ANKS1B: variants seen among roughly 807,000 people sequenced by gnomAD.
ANKS1B encodes ankyrin repeat and sterile alpha motif domain-containing protein 1B.
Under a neutral mutation model 148.3 loss-of-function variants are expected in ANKS1B, and 36 were observed. That is an observed-to-expected ratio of 0.24 (90% CI 0.19 to 0.32). The LOEUF (loss-of-function observed/expected upper bound fraction) is 0.32, where lower values mean the gene tolerates loss of function less well. ANKS1B is among the 10% of genes least tolerant of loss of function. ANKS1B has a pLI of 1.00. For synonymous variants in ANKS1B, 542 were observed against 560.8 expected (o/e 0.97, Z 0.47); for missense variants, 1,157 against 1,542.6 (o/e 0.75, Z 4.19).
chr12:99,959,100 G>GGCACTCATGCCAT (rs772387243), intron 1 of ANKS1B, among the ~76,000 whole-genome samples: 138 of 146,458 alleles, frequency 9.4e-4, no homozygotes, highest in Non-Finnish European at 1.7e-3. Context: ...CTGTTGCCCA[G>GGCACTCATGCCAT]GCTAGAGTGC....
chr12:99,736,479 AG>A (rs1370125540), intron 8 of ANKS1B, among the ~76,000 whole-genome samples: 1 of 151,570 alleles, frequency 6.6e-6, no homozygotes, highest in Non-Finnish European at 1.5e-5. Flanking sequence ...AAAGAAACCA[AG>A]AAGGCAATCT....
At chr12:99,146,969 T>G (rs1477353880) in intron 15 of ANKS1B, among the ~76,000 whole-genome samples, 1 of 152,146 alleles carries the variant, frequency 6.6e-6, no homozygotes, top group Non-Finnish European at 1.5e-5. Context: ...CATTTATCTA[T>G]GTACTGGCTA....
intron 26 of ANKS1B, among the ~76,000 whole-genome samples, chr12:98,749,886 T>C (rs1005473039): frequency 1.3e-5 from 2 of 151,672 alleles, no homozygotes; most frequent in Admixed American, 6.6e-5. Context: ...GATTGAGATA[T>C]ATTTTAGGGG....
At chr12:98,976,854 T>C (rs979679662) in intron 17 of ANKS1B, among the ~76,000 whole-genome samples, 2 of 152,246 alleles carry the variant, frequency 1.3e-5, no homozygotes, top group Non-Finnish European at 2.9e-5. Flanking sequence ...CATTTGTAGT[T>C]TGATATTTAA....
At chr12:98,941,358 A>G (rs1459138073) in intron 17 of ANKS1B, among the ~76,000 whole-genome samples, 1 of 152,190 alleles carries the variant, frequency 6.6e-6, no homozygotes, top group Non-Finnish European at 1.5e-5. Flanking sequence ...ACCACTAACA[A>G]AAAGCATATA....
intron 14 of ANKS1B, among the ~76,000 whole-genome samples, chr12:99,213,469 A>G (rs1271470268): frequency 3.9e-5 from 6 of 152,224 alleles, no homozygotes; most frequent in African/African-American, 1.4e-4. Context: ...CCTTACTGTC[A>G]GACTTGCTAA....
At chr12:99,463,218 G>A (rs748370986) in intron 10 of ANKS1B, among the ~76,000 whole-genome samples, 68 of 152,324 alleles carry the variant, frequency 4.5e-4, no homozygotes, top group Non-Finnish European at 7.9e-4. Context: ...CCTTTGTATA[G>A]GAATGCATGG....
intron 8 of ANKS1B, among the ~76,000 whole-genome samples, chr12:99,699,396 C>G (rs966304520): frequency 6.6e-6 from 1 of 152,152 alleles, no homozygotes; most frequent in East Asian, 1.9e-4. Flanking sequence ...CTCTTCAGTG[C>G]TGACTTTCTT....
Position 98,842,517 on chromosome 12 carries a change from T to C in ANKS1B, c.2779-10381A>G, listed in dbSNP as rs142229176. On this transcript the variant is annotated intron_variant, in intron 17 of 26. Coordinates refer to ENST00000683438, the MANE Select transcript of ANKS1B (RefSeq NM_001352186.2). ...GATTGTGTTGATGGTTGGATAGCTG[T>C]ATAGGTTTACTGAAATTTACCCAAC... Among the ~76,000 whole-genome samples, 467 of 152,352 alleles carry C rather than the reference T, an allele frequency of 3.1e-3. 2 individuals carry two copies. Among genetic ancestry groups the C allele is most frequent in the African/African-American group, 0.011 (449 of 41,576 alleles).
chr12:99,620,620 C>T (rs1016483150), intron 9 of ANKS1B, among the ~76,000 whole-genome samples: 1 of 152,026 alleles, frequency 6.6e-6, no homozygotes, highest in Non-Finnish European at 1.5e-5. Context: ...CAATTGAAAG[C>T]TTCACCAATT....
chr12:99,417,827 A>T (rs932350107), intron 11 of ANKS1B, among the ~76,000 whole-genome samples: 21 of 152,216 alleles, frequency 1.4e-4, no homozygotes, highest in African/African-American at 5.1e-4. Context: ...TTCTGAAAGC[A>T]GCAAGAAGTA....
chr12:99,958,704 G>A (rs535534415), intron 1 of ANKS1B, among the ~76,000 whole-genome samples: 1 of 152,216 alleles, frequency 6.6e-6, no homozygotes, highest in South Asian at 2.1e-4. Flanking sequence ...ATATTTCTAA[G>A]TCAAAGAATA....
rs2094351596 is a variant in ANKS1B, at chr12:99,399,748, A to T, written c.1639T>A (p.Tyr547Asn). The change falls in exon 12 of 27, where the codon TAT (tyrosine) becomes AAT (asparagine). Residue 547 changes from tyrosine to asparagine, a missense_variant. By Grantham distance (143) the Tyr-to-Asn change is moderately radical. Coordinates refer to ENST00000683438, the MANE Select transcript of ANKS1B (RefSeq NM_001352186.2). ...CCTGTAGATGTGTTGATTTCAAAATATTCTTGGTTGTGATTCATTCGGTGA... is the reference window on the plus strand; with the variant it reads ...CCTGTAGATGTGTTGATTTCAAAATTTTCTTGGTTGTGATTCATTCGGTGA... ...DFHRMNHNQEYFEINTSTGCT... is the reference protein window; with the variant it reads ...DFHRMNHNQENFEINTSTGCT... 4 of 1,613,536 alleles carry T rather than the reference A, an allele frequency of 2.5e-6. No individual in the cohort carries two copies. The highest frequency in any genetic ancestry group is 3.4e-6 in the Non-Finnish European group (4 of 1,179,556).
intron 17 of ANKS1B, among the ~76,000 whole-genome samples, chr12:99,017,023 C>G (rs1489148787): frequency 6.6e-6 from 1 of 152,076 alleles, no homozygotes; most frequent in East Asian, 1.9e-4. Flanking sequence ...TGGGCAATAT[C>G]TAAATATGCT....
chr12:99,952,940 A>G (rs2095252623), intron 1 of ANKS1B, among the ~76,000 whole-genome samples: 3 of 152,204 alleles, frequency 2.0e-5, no homozygotes, highest in East Asian at 1.9e-4. Flanking sequence ...AGGAGTTTAC[A>G]TGGTCTATAG....
intron 15 of ANKS1B, among the ~76,000 whole-genome samples, chr12:99,109,707 A>C (rs1361696380): frequency 6.6e-6 from 1 of 152,218 alleles, no homozygotes; most frequent in East Asian, 1.9e-4. Context: ...AAGGTCACCT[A>C]GCTGGGAAAT....
chr12:99,845,845 G>A (rs2086582820), intron 1 of ANKS1B, among the ~76,000 whole-genome samples: 1 of 152,034 alleles, frequency 6.6e-6, no homozygotes. Flanking sequence ...GTGAAACTGT[G>A]TGGTCCTGGG....
rs997902271 is a variant in ANKS1B at position 99,571,360 on chromosome 12, T to G, written c.1273-66719A>C. ...ATATAGCTATATCTACAGGTATAGA[T>G]AGAGAGATATAATATATATTATTTA... On this transcript the variant is annotated intron_variant, in intron 9 of 26. Coordinates refer to ENST00000683438, the MANE Select transcript of ANKS1B (RefSeq NM_001352186.2). Among the ~76,000 whole-genome samples, 5 of 151,838 alleles carry G rather than the reference T, an allele frequency of 3.3e-5. 1 individual carries two copies. Among genetic ancestry groups the G allele is most frequent in the East Asian group, 3.9e-4 (2 of 5,168 alleles).
At chr12:99,535,992 T>C (rs1238273157) in intron 9 of ANKS1B, among the ~76,000 whole-genome samples, 1 of 152,164 alleles carries the variant, frequency 6.6e-6, no homozygotes, top group Non-Finnish European at 1.5e-5. Context: ...CAACATATAC[T>C]AGAGGGCGTT....
Sources: allele counts gnomAD v4.1 joint callset (sites outside exome capture counted in the v4.1 genomes callset), GRCh38; gene constraint gnomAD v4.1.1; transcripts MANE v1.5; gene names NCBI Gene and HGNC (gene_info 2026-07-23, HGNC 2026-07-21).